Variants in ZNF607 observed in about 807,000 individuals in gnomAD.
The protein encoded by ZNF607 is zinc finger protein 607.
In ZNF607, 5 loss-of-function variants were observed where a neutral mutation model predicts 12.8. The observed-to-expected ratio is 0.39, with a 90% CI of 0.20 to 0.82. The LOEUF is 0.82. Ranked by LOEUF, ZNF607 falls within the 40% of genes least tolerant of loss-of-function variation. ZNF607 has a pLI of 0.39. For missense variants in ZNF607, 851 were observed against 859.2 expected (o/e 0.99, Z 0.12); for synonymous variants, 287 against 276.2 (o/e 1.04, Z -0.39).
intron 1 of ZNF607, among the ~76,000 whole-genome samples, chr19:37,712,731 C>T (rs778469283): frequency 4.6e-5 from 7 of 152,078 alleles, no homozygotes; most frequent in African/African-American, 1.7e-4. Flanking sequence ...ATTGTAAGCA[C>T]GGACATATTA....
At position 37,697,199 on chromosome 19, in the gene ZNF607, G is replaced by A; in HGVS notation, c.*841C>T. 2 of 733,268 alleles carry A rather than the reference G, an allele frequency of 2.7e-6. No homozygotes were observed. The highest frequency in any genetic ancestry group is 5.1e-6 in the Non-Finnish European group (2 of 393,444). 45.4% of individuals were successfully genotyped at this position (733,268 alleles called of 1,614,324 possible). ...GCGCACTACGTGGTTGAGAACAGCA[G>A]TCAAAGATAATTGGTTTTTGTACAC... On this transcript the variant is annotated 3_prime_UTR_variant, in exon 5 of 5. Coordinates refer to ENST00000355202, the MANE Select transcript of ZNF607 (RefSeq NM_032689.5).
In ZNF607 at chr19:37,699,639, A is replaced by T. The variant is rs959581159; in HGVS notation, c.492T>A (p.Asn164Lys). 1.9e-6 allele frequency: 3 copies of T among 1,614,022 alleles called. No individual in the cohort carries two copies. In the African/African-American group the frequency reaches 4.0e-5, roughly 22 times the overall value. ...CACATTCATAAGGTTTCTCACGAGCATTAATTTTCTGATGCTTTCTAAGGT... is the reference window on the plus strand; with the variant it reads ...CACATTCATAAGGTTTCTCACGAGCTTTAATTTTCTGATGCTTTCTAAGGT... ...LTDLRKHQKI[N>K]AREKPYECEE... Residue 164 changes from asparagine to lysine, a missense_variant, in exon 5 of 5, where the codon AAT becomes AAA. By Grantham distance (94) the Asn-to-Lys change is moderately conservative. Coordinates refer to ENST00000355202, the MANE Select transcript of ZNF607 (RefSeq NM_032689.5).
chr19:37,713,707 G>A (rs2045150735), intron 1 of ZNF607, among the ~76,000 whole-genome samples: 1 of 152,002 alleles, frequency 6.6e-6, no homozygotes, highest in Admixed American at 6.6e-5. Context: ...CCACAGTGCT[G>A]GGATTACAGG....
chr19:37,713,111 G>C (rs2045145619), intron 1 of ZNF607, among the ~76,000 whole-genome samples: 2 of 151,684 alleles, frequency 1.3e-5, no homozygotes, highest in South Asian at 4.2e-4. Flanking sequence ...TCATTACAGT[G>C]AAAACTACAA....
At chr19:37,718,843 A>T (rs2045199714) in intron 1 of ZNF607, among the ~76,000 whole-genome samples, 1 of 152,112 alleles carries the variant, frequency 6.6e-6, no homozygotes, top group Non-Finnish European at 1.5e-5. Flanking sequence ...TCTTGGCTAT[A>T]AATTCCCACT....
At chr19:37,704,573 C>A (rs1002534906) in intron 4 of ZNF607, among the ~76,000 whole-genome samples, 1 of 150,164 alleles carries the variant, frequency 6.7e-6, no homozygotes, top group Non-Finnish European at 1.5e-5. Context: ...AAAATGGACA[C>A]ACAATGTATC....
At position 37,698,752 on chromosome 19, in the gene ZNF607, C is replaced by T; in HGVS notation, c.1379G>A (p.Cys460Tyr). Reference protein sequence around the residue: ...ECKECGKSFRCASYLVIHERI... With the variant: ...ECKECGKSFRYASYLVIHERI... ...CTCATGTATAACAAGATATGAGGCA[C>T]AACGAAAGGACTTCCCACATTCTTT... The change falls in exon 5 of 5, where the codon TGT (cysteine) becomes TAT (tyrosine). Residue 460 changes from cysteine to tyrosine, a missense_variant. Transcript: ENST00000355202. 6.2e-7 allele frequency: 1 copy of T among 1,613,216 alleles called. No individual in the cohort carries two copies. Among genetic ancestry groups the T allele is most frequent in the Non-Finnish European group, 8.5e-7 (1 of 1,179,404 alleles).
At chr19:37,708,488 C>T (rs531175853) in intron 3 of ZNF607, among the ~76,000 whole-genome samples, 1 of 151,940 alleles carries the variant, frequency 6.6e-6, no homozygotes, top group African/African-American at 2.4e-5. Flanking sequence ...GCCACCGTGC[C>T]CAGTCTCAAA....
chr19:37,711,287 T>C (rs1482733003), intron 2 of ZNF607, among the ~76,000 whole-genome samples: 3 of 152,174 alleles, frequency 2.0e-5, no homozygotes, highest in Non-Finnish European at 2.9e-5. Flanking sequence ...TCGCAACAAA[T>C]GACAAAACCA....
chr19:37,711,699 G>A lies in ZNF607; in HGVS notation c.-74-7C>T. 6.9e-7 allele frequency: 1 copy of A among 1,444,336 alleles called. No homozygotes were observed. Among genetic ancestry groups the A allele is most frequent in the Non-Finnish European group, 9.7e-7 (1 of 1,027,546 alleles). The allele number at this position is 1,444,336 out of a possible 1,614,324, so 89.5% of individuals were successfully genotyped here. On this transcript the variant is annotated splice_polypyrimidine_tract_variant and splice_region_variant and intron_variant, in intron 1 of 4. Coordinates refer to ENST00000355202, the MANE Select transcript of ZNF607 (RefSeq NM_032689.5). ...AAGTCAAAAGAACCAAGACCTGAAA[G>A]AAGAGAAGACCTTGAGACCAGCTGT...
chr19:37,701,810 T>A (rs1461441928), intron 4 of ZNF607, among the ~76,000 whole-genome samples: 1 of 152,126 alleles, frequency 6.6e-6, no homozygotes, highest in Non-Finnish European at 1.5e-5. Context: ...ATCAGAACAT[T>A]AAGACAAAGC....
chr19:37,702,741 A>T (rs1005529588), intron 4 of ZNF607, among the ~76,000 whole-genome samples: 2 of 152,212 alleles, frequency 1.3e-5, no homozygotes, highest in Non-Finnish European at 1.5e-5. Flanking sequence ...TGAAGATGTG[A>T]TATACATGGA....
At position 37,714,917 on chromosome 19, in the gene ZNF607, CTTTTTT is replaced by C. The variant is rs2045163805; in HGVS notation, c.-74-3231_-74-3226del. ...GCTTCCTGTTTTTCTTTCTTTCTTT[CTTTTTT>C]TGAAATGGAGTCGCGTTCTGTCGCC... is the stretch of plus-strand genomic sequence containing the variant. On this transcript the variant is annotated intron_variant, in intron 1 of 4. Transcript: ENST00000355202. 9.5e-5 allele frequency among the ~76,000 whole-genome samples: 13 copies of C among 136,552 alleles called. No individual in the cohort carries two copies. The South Asian group carries it at 2.9e-3, about 30-fold the overall frequency. The allele number at this position is 136,552 out of a possible 152,430, so 89.6% of individuals were successfully genotyped here. A position where few individuals can be genotyped will look rare whatever the true frequency, so the allele number is the denominator to read the frequency against.
chr19:37,713,070 T>A (rs967778587), intron 1 of ZNF607, among the ~76,000 whole-genome samples: 18 of 151,952 alleles, frequency 1.2e-4, no homozygotes, highest in African/African-American at 4.4e-4. Flanking sequence ...CTGAATTTCC[T>A]CATGCAATTA....
intron 2 of ZNF607, among the ~76,000 whole-genome samples, chr19:37,710,811 G>A (rs7253081): frequency 6.6e-6 from 1 of 152,126 alleles, no homozygotes; most frequent in Non-Finnish European, 1.5e-5. Flanking sequence ...ACTTGGAAGA[G>A]AATTTAAACT....
intron 4 of ZNF607, among the ~76,000 whole-genome samples, chr19:37,706,029 T>C (rs1361188437): frequency 6.6e-6 from 1 of 152,010 alleles, no homozygotes; most frequent in African/African-American, 2.4e-5. Flanking sequence ...GGTGAAACCC[T>C]GTCTCTACTA....
Position 37,698,609 on chromosome 19 carries a change from T to A in ZNF607, c.1522A>T (p.Lys508Ter). 1 of 1,613,994 alleles carries A rather than the reference T, an allele frequency of 6.2e-7. No homozygotes were observed. Among genetic ancestry groups the A allele is most frequent in the Non-Finnish European group, 8.5e-7 (1 of 1,179,954 alleles). The change falls in exon 5 of 5, where the codon AAG (lysine) becomes TAG (stop). Residue 508 changes from lysine to a stop codon, truncating the protein, a stop_gained. Transcript: ENST00000355202. LOFTEE classifies it low-confidence loss of function (END_TRUNC). ...ACACTAAAGGCCTTCCCACATTCCTTACATTCATAAGGTTTCTCACCAGTA... is the reference window on the plus strand; with the variant it reads ...ACACTAAAGGCCTTCCCACATTCCTAACATTCATAAGGTTTCTCACCAGTA... ...VHTGEKPYEC[K>*]ECGKAFSVSG... is the part of the protein sequence containing the mutation.
In ZNF607 at chr19:37,699,463, T is replaced by C. The variant is rs1464431999; in HGVS notation, c.668A>G (p.Lys223Arg). ...TVHHRFHYGEKPYECKECGKA... is the reference protein window; with the variant it reads ...TVHHRFHYGERPYECKECGKA... Reference sequence around the variant, plus strand: ...GCCACATTCCTTACATTCGTAGGGTTTCTCACCATAATGAAATCTATGATG... The same window carrying C: ...GCCACATTCCTTACATTCGTAGGGTCTCTCACCATAATGAAATCTATGATG... Residue 223 changes from lysine (K) to arginine (R), a missense_variant, in exon 5 of 5, where the codon AAA becomes AGA. Lys to Arg is a conservative substitution (Grantham distance 26). Coordinates refer to ENST00000355202, the MANE Select transcript of ZNF607 (RefSeq NM_032689.5). The C allele has an allele frequency of 1.2e-6, 2 of 1,614,042 alleles. No homozygotes were observed. Among genetic ancestry groups the C allele is most frequent in the South Asian group, 2.2e-5 (2 of 91,084 alleles).
intron 4 of ZNF607, chr19:37,706,574 T>C (rs896802754): frequency 6.6e-6 from 1 of 152,228 alleles, no homozygotes; most frequent in African/African-American, 2.4e-5. Flanking sequence ...ATTTTTACTC[T>C]GTAGCTCTGC....
Sources: gnomAD v4.1 joint callset for allele counts (sites outside exome capture counted in the v4.1 genomes callset) on GRCh38, gnomAD v4.1.1 for gene constraint, MANE v1.5 for transcripts, NCBI Gene and HGNC (gene_info 2026-07-23, HGNC 2026-07-21) for gene names.